Variants in TCF7L1 observed in about 807,000 individuals in gnomAD.
TCF7L1 encodes the protein transcription factor 7 like 1, also known as transcription factor 7-like 1.
TCF7L1 carries 18 observed loss-of-function variants against 63.7 expected under a neutral mutation model. The observed-to-expected ratio is 0.28, with a 90% CI of 0.20 to 0.42. The LOEUF is 0.42. Ranked by LOEUF, TCF7L1 falls within the 10% of genes least tolerant of loss-of-function variation. The pLI is 1.00. For missense variants in TCF7L1, 654 were observed against 779.3 expected (o/e 0.84, Z 1.91); for synonymous variants, 355 against 340.9 (o/e 1.04, Z -0.46).
Position 85,309,135 on chromosome 2 carries a change from C to T in TCF7L1, c.1440C>T (p.Ala480=). 1.2e-6 allele frequency: 2 copies of T among 1,614,020 alleles called. No individual in the cohort carries two copies. Among genetic ancestry groups the T allele is most frequent in the Non-Finnish European group, 8.5e-7 (1 of 1,180,016 alleles). The change falls in exon 12 of 12, where the codon GCC becomes GCT. Residue 480 remains alanine (A), a synonymous_variant. Coordinates refer to ENST00000282111, the MANE Select transcript of TCF7L1 (RefSeq NM_031283.3). ...SSHGSMLDSP[A]TPSAALASPA... ...ACGGGAGCATGCTGGACTCCCCGGC[C>T]ACTCCCTCTGCAGCTTTGGCCTCAC...
At chr2:85,250,442 AT>A (rs57121264) in intron 3 of TCF7L1, among the ~76,000 whole-genome samples, 16 of 148,922 alleles carry the variant, frequency 1.1e-4, no homozygotes, top group African/African-American at 9.8e-5. Flanking sequence ...AAAAGTGAGA[AT>A]TTTTTTTTTT....
intron 3 of TCF7L1, among the ~76,000 whole-genome samples, chr2:85,218,124 A>G (rs1243594378): frequency 6.6e-6 from 1 of 152,160 alleles, no homozygotes; most frequent in Non-Finnish European, 1.5e-5. Context: ...ATCCCTTAAG[A>G]AATTTTTTTC....
intron 3 of TCF7L1, among the ~76,000 whole-genome samples, chr2:85,267,077 A>G (rs1353150121): frequency 6.6e-6 from 1 of 152,214 alleles, no homozygotes; most frequent in East Asian, 1.9e-4. Flanking sequence ...GTGGTGGCTC[A>G]TGCCTGTAAT....
chr2:85,305,193 C>T, intron 7 of TCF7L1, 67 bp from the exon 8 acceptor site: 1 of 1,603,178 alleles, frequency 6.2e-7, no homozygotes, highest in Admixed American at 1.7e-5. Flanking sequence ...GCCACCGTGT[C>T]CTCTGCTGGG....
chr2:85,226,686 T>C (rs1175485499), intron 3 of TCF7L1, among the ~76,000 whole-genome samples: 2 of 152,176 alleles, frequency 1.3e-5, no homozygotes, highest in African/African-American at 4.8e-5. Flanking sequence ...TCCTAGGTCC[T>C]ATGTATTCTC....
intron 4 of TCF7L1, 96 bp from the exon 5 acceptor site, chr2:85,302,388 G>A: frequency 1.3e-6 from 2 of 1,561,274 alleles, no homozygotes; most frequent in Admixed American, 3.3e-5. Flanking sequence ...GATGTTGCCT[G>A]GAAAATACCT....
intron 3 of TCF7L1, among the ~76,000 whole-genome samples, chr2:85,240,130 C>T (rs1680290423): frequency 6.6e-6 from 1 of 152,180 alleles, no homozygotes; most frequent in East Asian, 1.9e-4. Context: ...GTGTGTGTTT[C>T]CTGTGGCCTG....
intron 3 of TCF7L1, among the ~76,000 whole-genome samples, chr2:85,138,703 G>T (rs984002496): frequency 6.6e-6 from 1 of 152,098 alleles, no homozygotes; most frequent in Non-Finnish European, 1.5e-5. Context: ...GACTTGATTT[G>T]TTATAAGTTT....
intron 3 of TCF7L1, among the ~76,000 whole-genome samples, chr2:85,225,900 A>G (rs1464115455): frequency 6.6e-6 from 1 of 152,180 alleles, no homozygotes; most frequent in Admixed American, 6.5e-5. Flanking sequence ...TCAGTATGAT[A>G]TTGGCTGTGG....
In TCF7L1 at chr2:85,286,364, A is replaced by C. The variant is rs535130852; in HGVS notation, c.525+2786A>C. ...AGCAAGACTCTGTGACTCAAAAAAC[A>C]AACAAACAAAAAAAAAAACTAACAT... On this transcript the variant is annotated intron_variant, in intron 4 of 11. Transcript: ENST00000282111. Among the ~76,000 whole-genome samples, 124 of 150,610 alleles carry C rather than the reference A, an allele frequency of 8.2e-4. 2 individuals carry two copies. In the South Asian group the frequency reaches 0.022, roughly 27 times the overall value.
At position 85,134,540 on chromosome 2, in the gene TCF7L1, C is replaced by A; in HGVS notation, c.441+90C>A. On this transcript the variant is annotated intron_variant, in intron 3 of 11. Coordinates refer to ENST00000282111, the MANE Select transcript of TCF7L1 (RefSeq NM_031283.3). The surrounding 1 kb of genome is among the most constrained non-coding windows in gnomAD (Gnocchi z 5.0). ...CTTGGCCATGGAGTGGGGGATGGGG[C>A]CTTCTGCGCCGATCCCAAGCAGAAC... The A allele has an allele frequency of 1.4e-6, 2 of 1,477,156 alleles. No individual in the cohort carries two copies. The highest frequency in any genetic ancestry group is 1.8e-6 in the Non-Finnish European group (2 of 1,110,704). 91.5% of individuals were successfully genotyped at this position (1,477,156 alleles called of 1,614,324 possible).
At chr2:85,207,706 A>G (rs1304368254) in intron 3 of TCF7L1, among the ~76,000 whole-genome samples, 1 of 151,736 alleles carries the variant, frequency 6.6e-6, no homozygotes, top group Non-Finnish European at 1.5e-5. Context: ...TTTTGATTTT[A>G]TGGTGGTGCA....
intron 3 of TCF7L1, among the ~76,000 whole-genome samples, chr2:85,256,297 G>A (rs573741760): frequency 6.6e-5 from 10 of 150,508 alleles, no homozygotes; most frequent in East Asian, 6.1e-4. Flanking sequence ...AGAAGCGTCC[G>A]AGTCAGACCG....
At chr2:85,167,559 C>A (rs925438829) in intron 3 of TCF7L1, among the ~76,000 whole-genome samples, 3 of 152,094 alleles carry the variant, frequency 2.0e-5, no homozygotes, top group Non-Finnish European at 4.4e-5. Context: ...AATGGAATAT[C>A]ATTCAGCTTT....
intron 3 of TCF7L1, among the ~76,000 whole-genome samples, chr2:85,226,301 A>T (rs1679951789): frequency 6.6e-6 from 1 of 152,178 alleles, no homozygotes; most frequent in Admixed American, 6.5e-5. Flanking sequence ...AAAATGAGTT[A>T]GGGAGGATTT....
At chr2:85,258,030 A>C (rs548905031) in intron 3 of TCF7L1, among the ~76,000 whole-genome samples, 1 of 152,308 alleles carries the variant, frequency 6.6e-6, no homozygotes, top group South Asian at 2.1e-4. Flanking sequence ...TAGTTTCCTC[A>C]TATGTGAAAT....
rs374829785 is a variant in TCF7L1 at position 85,137,892 on chromosome 2, C to CAAA, written c.441+3457_441+3459dup. On this transcript the variant is annotated intron_variant, in intron 3 of 11. Coordinates refer to ENST00000282111, the MANE Select transcript of TCF7L1 (RefSeq NM_031283.3). ...TGGGCAACAGAGTGAGACTCTGCCT[C>CAAA]AAAAAAAAAAAAAAAAAGAAAGAAA... 2.5e-4 allele frequency among the ~76,000 whole-genome samples: 17 copies of CAAA among 67,796 alleles called. No homozygotes were observed. The East Asian group carries it at 6.4e-3, about 26-fold the overall frequency. 44.5% of individuals were successfully genotyped at this position (67,796 alleles called of 152,430 possible).
intron 3 of TCF7L1, among the ~76,000 whole-genome samples, chr2:85,181,360 C>T (rs1399257007): frequency 6.6e-6 from 1 of 152,200 alleles, no homozygotes; most frequent in Admixed American, 6.5e-5. Context: ...CTGGGAAAGG[C>T]CCTGCTTTGG....
At chr2:85,222,860 T>G (rs1679878043) in intron 3 of TCF7L1, among the ~76,000 whole-genome samples, 1 of 152,174 alleles carries the variant, frequency 6.6e-6, no homozygotes, top group African/African-American at 2.4e-5. Flanking sequence ...TTAAAAAATT[T>G]TCTGCTTTCT....
Sources: gnomAD v4.1 joint callset for allele counts (sites outside exome capture counted in the v4.1 genomes callset) on GRCh38, gnomAD v4.1.1 for gene constraint, Gnocchi (gnomAD v3.1) non-coding constraint, MANE v1.5 for transcripts, NCBI Gene and HGNC (gene_info 2026-07-23, HGNC 2026-07-21) for gene names.